Variants in PPP1R3A observed in about 807,000 individuals in gnomAD.
PPP1R3A encodes protein phosphatase 1 regulatory subunit 3A.
A neutral mutation model predicts 41.7 loss-of-function variants in PPP1R3A; 29 were observed. The observed-to-expected ratio is 0.70, with a 90% CI of 0.52 to 0.95. PPP1R3A has a LOEUF of 0.95. Ranked by LOEUF, PPP1R3A falls within the 40% of genes least tolerant of loss-of-function variation. PPP1R3A has a pLI of 0.00. For synonymous variants in PPP1R3A, 485 were observed against 453.4 expected (o/e 1.07, Z -0.89); for missense variants, 1,352 against 1,292.4 (o/e 1.05, Z -0.71).
chr7:113,884,307 C>T (rs1227206006), intron 1 of PPP1R3A, among the ~76,000 whole-genome samples: 1 of 151,862 alleles, frequency 6.6e-6, no homozygotes, highest in East Asian at 1.9e-4. Flanking sequence ...CAAATGATGG[C>T]TAAAATGTTT....
chr7:113,916,795 TTAGAG>T (rs1274091424), intron 1 of PPP1R3A, among the ~76,000 whole-genome samples: 11 of 152,088 alleles, frequency 7.2e-5, no homozygotes, highest in Admixed American at 7.2e-4. Flanking sequence ...AGCTAATGTG[TTAGAG>T]TAATTTCATA....
At chr7:113,900,454 T>C (rs1797043741) in intron 1 of PPP1R3A, among the ~76,000 whole-genome samples, 1 of 151,570 alleles carries the variant, frequency 6.6e-6, no homozygotes, top group African/African-American at 2.4e-5. Context: ...ATTCTGGTCT[T>C]TTCTTTCTTC....
At position 113,879,810 on chromosome 7, in the gene PPP1R3A, C is replaced by T. The variant is rs760565715; in HGVS notation, c.1282G>A (p.Val428Met). The change falls in exon 4 of 4, where the codon GTG becomes ATG. Residue 428 changes from valine to methionine, a missense_variant. Coordinates refer to ENST00000284601, the MANE Select transcript of PPP1R3A (RefSeq NM_002711.4). ...SLGDTSSDEL[V>M]QLHTGSKEVL... ...TCTTTGCTGCCAGTATGTAATTGCA[C>T]TAGTTCATCACTACTAGTATCTCCC... 2.5e-6 allele frequency: 4 copies of T among 1,613,448 alleles called. No homozygotes were observed. The highest frequency in any genetic ancestry group is 2.2e-5 in the South Asian group (2 of 91,078).
chr7:113,897,168 G>A (rs189077377), intron 1 of PPP1R3A, among the ~76,000 whole-genome samples: 4 of 151,676 alleles, frequency 2.6e-5, no homozygotes, highest in South Asian at 4.1e-4. Flanking sequence ...AGATACAGAC[G>A]CTTAGTTCTT....
chr7:113,915,176 T>C (rs1797317912), intron 1 of PPP1R3A, among the ~76,000 whole-genome samples: 1 of 152,054 alleles, frequency 6.6e-6, no homozygotes, highest in South Asian at 2.1e-4. Flanking sequence ...GTGTACAGAC[T>C]ATCAGGCATC....
At chr7:113,894,500 G>C (rs771440544) in intron 1 of PPP1R3A, among the ~76,000 whole-genome samples, 1 of 151,832 alleles carries the variant, frequency 6.6e-6, no homozygotes, top group Middle Eastern at 3.2e-3. Context: ...TTGTCCAGCT[G>C]AGAGTCTTGC....
chr7:113,882,448 A>G (rs1386122470), intron 1 of PPP1R3A, 128 bp from the exon 2 acceptor site: 2 of 605,954 alleles, frequency 3.3e-6, no homozygotes, highest in Non-Finnish European at 5.8e-6. Flanking sequence ...ATTTTCCTAT[A>G]TTACTTGGGA....
intron 1 of PPP1R3A, among the ~76,000 whole-genome samples, chr7:113,886,734 C>T (rs940448104): frequency 6.6e-6 from 1 of 152,040 alleles, no homozygotes; most frequent in Non-Finnish European, 1.5e-5. Flanking sequence ...ACATTAGAGG[C>T]CACTCTGAAA....
In PPP1R3A at chr7:113,918,378, A is replaced by T; in HGVS notation, c.619T>A (p.Phe207Ile). ...PYQKDGSKVE[F>I]CIRYETSVGT... ...ACAGAAGTTTCATAACGTATACAAA[A>T]CTCAACTTTACTGCCATCTTTTTGA... Residue 207 changes from phenylalanine to isoleucine, a missense_variant, in exon 1 of 4, where the codon TTT becomes ATT. Phe to Ile is a conservative substitution (Grantham distance 21). Coordinates refer to ENST00000284601, the MANE Select transcript of PPP1R3A (RefSeq NM_002711.4). The T allele has an allele frequency of 6.2e-7, 1 of 1,613,456 alleles. No individual in the cohort carries two copies. Among genetic ancestry groups the T allele is most frequent in the Non-Finnish European group, 8.5e-7 (1 of 1,179,654 alleles).
rs1464941685 is a variant in PPP1R3A, at chr7:113,878,805, C to G, written c.2287G>C (p.Asp763His). Residue 763 changes from aspartate to histidine, a missense_variant, in exon 4 of 4, where the codon GAC becomes CAC. Asp to His is a moderately conservative substitution (Grantham distance 81, BLOSUM62 -1). Transcript: ENST00000284601. ...AKLPQETARS[D>H]RPIEVKETAF... ...GTTTCCTTTACCTCGATGGGCCTGT[C>G]ACTTCGTGCTGTCTCTTGAGGTAGC... 6.2e-7 allele frequency: 1 copy of G among 1,613,486 alleles called. No individual in the cohort carries two copies. Among genetic ancestry groups the G allele is most frequent in the African/African-American group, 1.3e-5 (1 of 74,874 alleles).
chr7:113,877,613 T>G lies in PPP1R3A; in HGVS notation c.*110A>C. The G allele has an allele frequency of 7.6e-7, 1 of 1,310,544 alleles. No homozygotes were observed. Among genetic ancestry groups the G allele is most frequent in the Non-Finnish European group, 1.0e-6 (1 of 962,282 alleles). 81.2% of individuals were successfully genotyped at this position (1,310,544 alleles called of 1,614,324 possible). On this transcript the variant is annotated 3_prime_UTR_variant, in exon 4 of 4. Coordinates refer to ENST00000284601, the MANE Select transcript of PPP1R3A (RefSeq NM_002711.4). ...ATTCGCGTCCCTTTTTAAATGATCC[T>G]TCAAGAGAAAAACTGCACTGGATCT...
intron 3 of PPP1R3A, among the ~76,000 whole-genome samples, chr7:113,880,714 GT>G (rs5886685): frequency 0.97 from 141,471 of 145,560 alleles, 68,818 homozygotes; most frequent in South Asian, 1. Context: ...AGATGCCTGT[GT>G]TTTTTTTTTT....
In PPP1R3A at chr7:113,878,256, T is replaced by A; in HGVS notation, c.2836A>T (p.Ile946Phe). 1 of 1,613,162 alleles carries A rather than the reference T, an allele frequency of 6.2e-7. No homozygotes were observed. Among genetic ancestry groups the A allele is most frequent in the African/African-American group, 1.3e-5 (1 of 74,966 alleles). ...NAVTTMASQP[I>F]STKSENICNS... is the part of the protein sequence containing the mutation. ...CAAATATTTTCTGATTTCGTAGAAA[T>A]AGGTTGGCTAGCCATGGTAGTAACT... The change falls in exon 4 of 4, where the codon ATT becomes TTT. Residue 946 changes from isoleucine (I) to phenylalanine (F), a missense_variant. Ile to Phe is a conservative substitution (Grantham distance 21). Transcript: ENST00000284601.
intron 1 of PPP1R3A, among the ~76,000 whole-genome samples, chr7:113,913,577 T>C (rs1348744962): frequency 6.6e-6 from 1 of 152,138 alleles, no homozygotes; most frequent in African/African-American, 2.4e-5. Flanking sequence ...CAAACACCTA[T>C]ATCATGCAGT....
chr7:113,880,526 T>C (rs1796673761), intron 3 of PPP1R3A, among the ~76,000 whole-genome samples: 1 of 152,012 alleles, frequency 6.6e-6, no homozygotes. Flanking sequence ...CCCATTACAG[T>C]TTCTCTTATT....
At chr7:113,896,508 T>C (rs933976119) in intron 1 of PPP1R3A, among the ~76,000 whole-genome samples, 7 of 151,830 alleles carry the variant, frequency 4.6e-5, no homozygotes, top group Non-Finnish European at 8.8e-5. Context: ...CAATGTGAAA[T>C]TGGTTTTTGG....
Position 113,918,369 on chromosome 7 carries a change from G to T in PPP1R3A, c.628C>A (p.Arg210Ser), listed in dbSNP as rs141223649. The T allele has an allele frequency of 6.2e-7, 1 of 1,613,098 alleles. No individual in the cohort carries two copies. The highest frequency in any genetic ancestry group is 1.3e-5 in the African/African-American group (1 of 74,822). Reference protein sequence around the residue: ...KDGSKVEFCIRYETSVGTFWS... With the variant: ...KDGSKVEFCISYETSVGTFWS... ...AATGTACCAACAGAAGTTTCATAAC[G>T]TATACAAAACTCAACTTTACTGCCA... Residue 210 changes from arginine to serine, a missense_variant, in exon 1 of 4, where the codon CGT (arginine) becomes AGT (serine). Physicochemically the swap from Arg to Ser is moderately radical, Grantham distance 110 (BLOSUM62 -1). Coordinates refer to ENST00000284601, the MANE Select transcript of PPP1R3A (RefSeq NM_002711.4).
At chr7:113,915,384 C>G (rs1300454641) in intron 1 of PPP1R3A, among the ~76,000 whole-genome samples, 2 of 151,774 alleles carry the variant, frequency 1.3e-5, no homozygotes, top group Non-Finnish European at 2.9e-5. Flanking sequence ...TCTCAGGCAC[C>G]CTGATAGCAA....
At chr7:113,884,683 A>C (rs1043660790) in intron 1 of PPP1R3A, among the ~76,000 whole-genome samples, 2 of 152,170 alleles carry the variant, frequency 1.3e-5, no homozygotes, top group African/African-American at 2.4e-5. Context: ...AAAGATTTAA[A>C]AAATTGGTCA....
Sources: allele counts gnomAD v4.1 joint callset (sites outside exome capture counted in the v4.1 genomes callset), GRCh38; gene constraint gnomAD v4.1.1; transcripts MANE v1.5; gene names NCBI Gene and HGNC (gene_info 2026-07-23, HGNC 2026-07-21).